Variants in EVI5 observed in about 807,000 individuals in gnomAD.
EVI5 encodes ecotropic viral integration site 5.
In EVI5, 73 loss-of-function variants were observed where a neutral mutation model predicts 112.0. The ratio of observed to expected loss-of-function variants is 0.65; its 90% CI spans 0.54 to 0.79. The LOEUF (loss-of-function observed/expected upper bound fraction) is 0.79, where lower values mean the gene tolerates loss of function less well. Ranked by LOEUF, EVI5 falls within the 30% of genes least tolerant of loss-of-function variation. The probability of loss-of-function intolerance (pLI) is 0.00; values close to 1 mark genes in which losing one functional copy is unlikely to be tolerated. For missense variants in EVI5, 900 were observed against 968.8 expected (o/e 0.93, Z 0.94); for synonymous variants, 305 against 319.9 (o/e 0.95, Z 0.50).
intron 1 of EVI5, among the ~76,000 whole-genome samples, chr1:92,763,606 CTCTG>C (rs1336608069): frequency 1.3e-5 from 2 of 151,936 alleles, no homozygotes; most frequent in African/African-American, 4.8e-5. Context: ...AAGAACAAGA[CTCTG>C]TCTTTAAAAC....
intron 2 of EVI5, among the ~76,000 whole-genome samples, chr1:92,716,120 C>T (rs567726330): frequency 6.6e-6 from 1 of 152,290 alleles, no homozygotes; most frequent in East Asian, 1.9e-4. Flanking sequence ...GTTCTCCCAT[C>T]ATGGTGTTTG....
chr1:92,649,293 T>A (rs1028361597), intron 13 of EVI5, among the ~76,000 whole-genome samples: 4 of 152,206 alleles, frequency 2.6e-5, no homozygotes, highest in African/African-American at 9.7e-5. Context: ...CTACAAAACT[T>A]GCAACTATTT....
intron 1 of EVI5, among the ~76,000 whole-genome samples, chr1:92,783,161 C>A (rs1293361458): frequency 6.6e-6 from 1 of 152,028 alleles, no homozygotes; most frequent in Non-Finnish European, 1.5e-5. Context: ...CTCTATACTT[C>A]AATAACTTAG....
chr1:92,526,600 GA>G (rs989216183), intron 19 of EVI5, among the ~76,000 whole-genome samples: 1 of 152,140 alleles, frequency 6.6e-6, no homozygotes, highest in African/African-American at 2.4e-5. Context: ...AAGCTTATCT[GA>G]AAAAGGCCAG....
chr1:92,643,909 T>C (rs1247946547), intron 13 of EVI5, among the ~76,000 whole-genome samples: 1 of 101,854 alleles, frequency 9.8e-6, no homozygotes, highest in African/African-American at 2.8e-5. Context: ...GCTAGAGATA[T>C]TAAAAGAAAA....
intron 19 of EVI5, among the ~76,000 whole-genome samples, chr1:92,531,575 C>A (rs1662872605): frequency 2.0e-5 from 3 of 152,214 alleles, no homozygotes; most frequent in Admixed American, 6.5e-5. Flanking sequence ...GTCCATCAGA[C>A]TAACAACGGA....
chr1:92,631,772 A>T (rs995908698), intron 14 of EVI5, among the ~76,000 whole-genome samples: 4 of 152,148 alleles, frequency 2.6e-5, no homozygotes, highest in Admixed American at 2.6e-4. Context: ...TTTCAAAGGG[A>T]ATGCTTCCAG....
At chr1:92,697,562 G>A (rs1006096359) in intron 6 of EVI5, among the ~76,000 whole-genome samples, 2 of 152,144 alleles carry the variant, frequency 1.3e-5, no homozygotes, top group Admixed American at 6.5e-5. Flanking sequence ...CTTAGACTAC[G>A]TAACAATAAT....
At chr1:92,565,719 A>G (rs1669332425) in intron 18 of EVI5, among the ~76,000 whole-genome samples, 1 of 152,056 alleles carries the variant, frequency 6.6e-6, no homozygotes. Flanking sequence ...CTGTAATCCC[A>G]GCACTTCAGG....
intron 1 of EVI5, among the ~76,000 whole-genome samples, chr1:92,746,090 T>C (rs558722339): frequency 2.6e-4 from 39 of 152,336 alleles, no homozygotes; most frequent in African/African-American, 7.9e-4. Context: ...GCAGCCAACA[T>C]TGAACCCATG....
At chr1:92,611,250 C>T (rs1651724285) in intron 16 of EVI5, among the ~76,000 whole-genome samples, 1 of 151,276 alleles carries the variant, frequency 6.6e-6, no homozygotes, top group South Asian at 2.1e-4. Flanking sequence ...GCTAAAGAGG[C>T]AAATCAAGGG....
rs542983183 is a variant in EVI5 at position 92,566,570 on chromosome 1, T to A, written c.2071-2833A>T. 1.2e-3 allele frequency among the ~76,000 whole-genome samples: 182 copies of A among 152,330 alleles called. 1 individual carries two copies. Among genetic ancestry groups the A allele is most frequent in the Non-Finnish European group, 2.3e-3 (156 of 68,026 alleles). Reference sequence around the variant, plus strand: ...GATTTATGTATTTAACATACTATATTTTTTATTATTTTAGTGTATTCTTTT... The same window carrying A: ...GATTTATGTATTTAACATACTATATATTTTATTATTTTAGTGTATTCTTTT... On this transcript the variant is annotated intron_variant, in intron 18 of 19. Coordinates refer to ENST00000684568, the MANE Select transcript of EVI5 (RefSeq NM_001350197.2).
intron 1 of EVI5, among the ~76,000 whole-genome samples, chr1:92,750,873 G>A (rs996663728): frequency 1.3e-5 from 2 of 152,138 alleles, no homozygotes; most frequent in East Asian, 1.9e-4. Context: ...TTTTTGGGCC[G>A]GGTGCGGTGG....
At chr1:92,750,903 C>A (rs1680079834) in intron 1 of EVI5, among the ~76,000 whole-genome samples, 1 of 152,210 alleles carries the variant, frequency 6.6e-6, no homozygotes. Context: ...GTAATCCCAG[C>A]ACTTTGGGAG....
chr1:92,544,785 T>TCC (rs1469846285), intron 19 of EVI5, among the ~76,000 whole-genome samples: 1 of 152,208 alleles, frequency 6.6e-6, no homozygotes, highest in African/African-American at 2.4e-5. Flanking sequence ...AAAGTTAGTA[T>TCC]CCCTCTCTTC....
chr1:92,567,227 T>A (rs1210329962), intron 18 of EVI5, among the ~76,000 whole-genome samples: 2 of 152,154 alleles, frequency 1.3e-5, no homozygotes, highest in Non-Finnish European at 2.9e-5. Context: ...AAACTAAGTG[T>A]TATTATAAGA....
At chr1:92,665,493 A>C (rs1664743670) in intron 11 of EVI5, among the ~76,000 whole-genome samples, 1 of 152,316 alleles carries the variant, frequency 6.6e-6, no homozygotes, top group South Asian at 2.1e-4. Flanking sequence ...GAAAATCAAC[A>C]TGAGTGAATT....
intron 15 of EVI5, among the ~76,000 whole-genome samples, chr1:92,624,924 T>C (rs995294212): frequency 6.6e-6 from 1 of 152,184 alleles, no homozygotes; most frequent in Non-Finnish European, 1.5e-5. Flanking sequence ...GGTAAGAAAA[T>C]GAACACTGTG....
At chr1:92,585,135 A>G (rs2101135139) in intron 18 of EVI5, among the ~76,000 whole-genome samples, 1 of 151,552 alleles carries the variant, frequency 6.6e-6, no homozygotes, top group Admixed American at 6.6e-5. Context: ...GAGGCAGGAG[A>G]ATTGCTTGAA....
Sources: gnomAD v4.1 joint callset for allele counts (sites outside exome capture counted in the v4.1 genomes callset) on GRCh38, gnomAD v4.1.1 for gene constraint, MANE v1.5 for transcripts, NCBI Gene and HGNC (gene_info 2026-07-23, HGNC 2026-07-21) for gene names.